SH3D19: variants seen among roughly 807,000 people sequenced by gnomAD.
SH3D19 encodes SH3 domain-containing protein 19.
In SH3D19, 58 loss-of-function variants were observed where a neutral mutation model predicts 112.1. That is an observed-to-expected ratio of 0.52 (90% CI 0.42 to 0.64). SH3D19 has a LOEUF of 0.64. Ranked by LOEUF, SH3D19 falls within the 30% of genes least tolerant of loss-of-function variation. SH3D19 has a pLI of 0.00. For missense variants in SH3D19, 1,090 were observed against 1,263.4 expected (o/e 0.86, Z 2.08); for synonymous variants, 391 against 448.5 (o/e 0.87, Z 1.62).
At position 151,159,243 on chromosome 4, in the gene SH3D19, G is replaced by A. The variant is rs1240283342; in HGVS notation, c.1752C>T (p.Asn584=). ...ACAATCTATAATGACCACTTACCAA[G>A]TTTCTAGTTCTCTCAACATTACTGA... The part of the protein sequence containing the change: ...GKLSNVERTR[N]LESNHPGQTG... The change falls in exon 9 of 20, where the codon AAC becomes AAT. Residue 584 remains asparagine, a synonymous_variant. Transcript: ENST00000604030. 2 of 1,516,540 alleles carry A rather than the reference G, an allele frequency of 1.3e-6. No individual in the cohort carries two copies. The highest frequency in any genetic ancestry group is 1.7e-4 in the Middle Eastern group (1 of 5,874). 93.9% of individuals were successfully genotyped at this position (1,516,540 alleles called of 1,614,324 possible).
intron 12 of SH3D19, among the ~76,000 whole-genome samples, chr4:151,143,612 T>G (rs1753402499): frequency 6.6e-6 from 1 of 151,812 alleles, no homozygotes; most frequent in Non-Finnish European, 1.5e-5. Flanking sequence ...TTTTCATATT[T>G]ACTTTATTTT....
intron 9 of SH3D19, 72 bp downstream of exon 9, chr4:151,159,168 A>G: frequency 3.7e-6 from 3 of 816,140 alleles, no homozygotes; most frequent in Non-Finnish European, 5.6e-6. Flanking sequence ...AATAATTTAG[A>G]TATTAGCTGA....
intron 2 of SH3D19, among the ~76,000 whole-genome samples, chr4:151,225,750 AG>A (rs1768888119): frequency 6.6e-6 from 1 of 152,212 alleles, no homozygotes; most frequent in Non-Finnish European, 1.5e-5. Flanking sequence ...TACTGGTTAA[AG>A]GGAGGGGAGG....
At chr4:151,138,074 A>G (rs182957189) in intron 13 of SH3D19, among the ~76,000 whole-genome samples, 2 of 152,340 alleles carry the variant, frequency 1.3e-5, no homozygotes, top group South Asian at 2.1e-4. Context: ...AGACACATTT[A>G]CCATGCTTTG....
intron 1 of SH3D19, among the ~76,000 whole-genome samples, chr4:151,271,220 G>A (rs184204840): frequency 2.0e-4 from 30 of 152,280 alleles, no homozygotes; most frequent in African/African-American, 5.5e-4. Flanking sequence ...GCCACTATGC[G>A]TGGCCTCAGA....
At chr4:151,288,337 T>A (rs1775017929) in intron 1 of SH3D19, among the ~76,000 whole-genome samples, 1 of 152,134 alleles carries the variant, frequency 6.6e-6, no homozygotes. Flanking sequence ...TAAAACTATC[T>A]CTAGTCACAG....
intron 1 of SH3D19, among the ~76,000 whole-genome samples, chr4:151,252,794 C>A (rs551712131): frequency 6.6e-6 from 1 of 152,330 alleles, no homozygotes; most frequent in African/African-American, 2.4e-5. Flanking sequence ...ACACTGTGCC[C>A]CATTTCAGTA....
At chr4:151,222,891 T>C (rs983234924) in intron 2 of SH3D19, among the ~76,000 whole-genome samples, 2 of 151,918 alleles carry the variant, frequency 1.3e-5, no homozygotes, top group African/African-American at 4.8e-5. Flanking sequence ...GGCCTCGAAC[T>C]CCTGACCTCA....
At chr4:151,140,552 G>C (rs918222739) in intron 12 of SH3D19, 1 of 152,226 alleles carries the variant, frequency 6.6e-6, no homozygotes, top group Admixed American at 6.5e-5. Context: ...AGGCAAAGCT[G>C]AAGAGCGACC....
At chr4:151,194,168 G>A (rs1230984067) in intron 2 of SH3D19, among the ~76,000 whole-genome samples, 1 of 151,708 alleles carries the variant, frequency 6.6e-6, no homozygotes. Context: ...TTGGATTACA[G>A]GTGCCCGCCA....
chr4:151,275,809 C>T (rs1425316185), intron 1 of SH3D19, among the ~76,000 whole-genome samples: 3 of 151,012 alleles, frequency 2.0e-5, no homozygotes, highest in Non-Finnish European at 4.4e-5. Flanking sequence ...GCGTAAGCTA[C>T]CACGCCCAGC....
At chr4:151,178,762 T>G (rs1014643145) in intron 4 of SH3D19, among the ~76,000 whole-genome samples, 2 of 152,174 alleles carry the variant, frequency 1.3e-5, no homozygotes, top group Non-Finnish European at 2.9e-5. Flanking sequence ...TGAAAACCTC[T>G]CTATCTGATT....
At chr4:151,168,649 T>A (rs905179252) in intron 7 of SH3D19, among the ~76,000 whole-genome samples, 3 of 152,078 alleles carry the variant, frequency 2.0e-5, no homozygotes, top group African/African-American at 7.2e-5. Context: ...TCCAGGCTGG[T>A]CTTGACCTCT....
chr4:151,283,493 C>T (rs1012841419), intron 1 of SH3D19, among the ~76,000 whole-genome samples: 1 of 148,046 alleles, frequency 6.8e-6, no homozygotes, highest in South Asian at 2.2e-4. Flanking sequence ...CCAATACTAA[C>T]GACTGGTCAT....
chr4:151,314,086 G>A (rs1729759272), intron 1 of SH3D19, among the ~76,000 whole-genome samples: 1 of 152,128 alleles, frequency 6.6e-6, no homozygotes, highest in African/African-American at 2.4e-5. Flanking sequence ...TGGAAACAAA[G>A]CTCCAGTATA....
intron 3 of SH3D19, among the ~76,000 whole-genome samples, chr4:151,185,379 C>T (rs986826073): frequency 1.3e-5 from 2 of 152,150 alleles, no homozygotes; most frequent in African/African-American, 4.8e-5. Flanking sequence ...TCTTTCCTAT[C>T]CTGTGTACTT....
At chr4:151,125,119 G>A (rs1363757906) in intron 19 of SH3D19, among the ~76,000 whole-genome samples, 1 of 152,028 alleles carries the variant, frequency 6.6e-6, no homozygotes, top group Non-Finnish European at 1.5e-5. Context: ...GAAAAAAAGG[G>A]AACTGATAGA....
chr4:151,225,113 T>G lies in SH3D19; in HGVS notation c.152+934A>C, dbSNP rs561316013. On this transcript the variant is annotated intron_variant, in intron 2 of 19. Coordinates refer to ENST00000604030, the MANE Select transcript of SH3D19 (RefSeq NM_001378122.1). ...GCATTGCTATTCTAAGCAATGAAAT[T>G]TTTATAGATCTTATATTTTTATTGA... Among the ~76,000 whole-genome samples the G allele has an allele frequency of 1.6e-4, 24 of 152,328 alleles. No homozygotes were observed. The South Asian group carries it at 5.0e-3, about 32-fold the overall frequency.
chr4:151,145,623 C>T (rs533627129), intron 11 of SH3D19, among the ~76,000 whole-genome samples: 16 of 152,338 alleles, frequency 1.1e-4, no homozygotes, highest in African/African-American at 3.6e-4. Context: ...AGCCTTGTTG[C>T]TCTCACAAAG....
Sources: gnomAD v4.1 joint callset for allele counts (sites outside exome capture counted in the v4.1 genomes callset) on GRCh38, gnomAD v4.1.1 for gene constraint, MANE v1.5 for transcripts, NCBI Gene and HGNC (gene_info 2026-07-23, HGNC 2026-07-21) for gene names.